The following MED13L variants were observed in gnomAD, a reference collection of about 807,000 sequenced individuals.
MED13L encodes mediator of RNA polymerase II transcription subunit 13-like.
In MED13L, 7 loss-of-function variants were observed where a neutral mutation model predicts 220.9. The observed-to-expected ratio is 0.03, with a 90% CI of 0.02 to 0.06. The LOEUF is 0.06. MED13L is among the 10% of genes least tolerant of loss of function. The pLI is 1.00. For synonymous variants in MED13L, 1,011 were observed against 1,015.2 expected (o/e 1.00, Z 0.08); for missense variants, 1,965 against 2,760.5 (o/e 0.71, Z 6.46).
At chr12:116,085,754 TCACACA>T (rs10611880) in intron 4 of MED13L, among the ~76,000 whole-genome samples, 18,399 of 146,908 alleles carry the variant, frequency 0.13, 1,731 homozygotes, top group East Asian at 0.38. Context: ...TTAAAATCAC[TCACACA>T]CACACACACA....
intron 1 of MED13L, among the ~76,000 whole-genome samples, chr12:116,262,942 G>A (rs1317312744): frequency 6.6e-6 from 1 of 152,164 alleles, no homozygotes; most frequent in East Asian, 1.9e-4. Context: ...CATGAAACCT[G>A]ATTCAATCTG....
intron 2 of MED13L, among the ~76,000 whole-genome samples, chr12:116,142,288 A>T (rs1877145111): frequency 6.6e-6 from 1 of 152,204 alleles, no homozygotes; most frequent in Non-Finnish European, 1.5e-5. Context: ...TCAAAGCTTC[A>T]AACAGTGCCT....
chr12:116,078,457 T>G (rs1363473049), intron 4 of MED13L, among the ~76,000 whole-genome samples: 1 of 152,146 alleles, frequency 6.6e-6, no homozygotes, highest in African/African-American at 2.4e-5. Context: ...AAGGCCTGAA[T>G]TTAAATCCAA....
At chr12:116,169,042 A>T (rs1180054934) in intron 2 of MED13L, 1 of 152,438 alleles carries the variant, frequency 6.6e-6, no homozygotes, top group Middle Eastern at 3.4e-3. Flanking sequence ...CGGAGTAGAC[A>T]TTATGAGCAA....
At chr12:116,086,436 C>A (rs890828231) in intron 4 of MED13L, among the ~76,000 whole-genome samples, 1 of 151,982 alleles carries the variant, frequency 6.6e-6, no homozygotes, top group Non-Finnish European at 1.5e-5. Flanking sequence ...ACTTGCACCA[C>A]CACGCCCAGC....
chr12:115,982,121 T>C, intron 22 of MED13L: 1 of 423,030 alleles, frequency 2.4e-6, no homozygotes, highest in Admixed American at 3.9e-5. Context: ...TGTATAAAAT[T>C]ACCTTCAGGT....
chr12:116,267,337 A>G (rs1872907800), intron 1 of MED13L, among the ~76,000 whole-genome samples: 1 of 152,268 alleles, frequency 6.6e-6, no homozygotes, highest in South Asian at 2.1e-4. Context: ...AGACACAAGA[A>G]CAATTTAATC....
rs541207260 is a variant in MED13L at position 116,038,915 on chromosome 12, G to A, written c.480-16314C>T. 1.0e-3 allele frequency among the ~76,000 whole-genome samples: 148 copies of A among 146,200 alleles called. 1 individual carries two copies. The highest frequency in any genetic ancestry group is 1.4e-3 in the Non-Finnish European group (97 of 66,904). On this transcript the variant is annotated intron_variant, in intron 4 of 30. Coordinates refer to ENST00000281928, the MANE Select transcript of MED13L (RefSeq NM_015335.5). ...ATTTCCTCATCTATTTTTTTTTCCCGCCTCGTTAAATTTACTATATGAAAG... is the reference window on the plus strand; with the variant it reads ...ATTTCCTCATCTATTTTTTTTTCCCACCTCGTTAAATTTACTATATGAAAG...
chr12:116,228,307 A>G (rs1869206302), intron 2 of MED13L, among the ~76,000 whole-genome samples: 1 of 152,174 alleles, frequency 6.6e-6, no homozygotes. Flanking sequence ...GCTACACTAA[A>G]CAACAGGTTT....
intron 2 of MED13L, among the ~76,000 whole-genome samples, chr12:116,205,551 G>GA (rs1882262326): frequency 7.9e-6 from 1 of 125,806 alleles, no homozygotes; most frequent in Non-Finnish European, 1.7e-5. Context: ...AAAAAAAAAG[G>GA]AAAGTCTTTT....
intron 2 of MED13L, among the ~76,000 whole-genome samples, chr12:116,124,516 G>T (rs1012166457): frequency 1.1e-4 from 16 of 151,508 alleles, no homozygotes; most frequent in African/African-American, 3.6e-4. Context: ...TCTTCACTTT[G>T]TTATCTACTT....
chr12:116,269,208 A>C (rs926860277), intron 1 of MED13L, among the ~76,000 whole-genome samples: 2 of 151,898 alleles, frequency 1.3e-5, no homozygotes, highest in African/African-American at 2.4e-5. Context: ...ACAGGCACAC[A>C]CCACCACGCC....
chr12:115,990,273 C>T (rs1182144924), intron 17 of MED13L, among the ~76,000 whole-genome samples: 3 of 152,154 alleles, frequency 2.0e-5, no homozygotes, highest in African/African-American at 7.2e-5. Context: ...CCTAGAGTGC[C>T]CCGTCTATCC....
rs192716217 is a variant in MED13L, at chr12:116,053,754, C to T, written c.480-31153G>A. On this transcript the variant is annotated intron_variant, in intron 4 of 30. Transcript: ENST00000281928. ...ACTCTCAAAGCTCTGAACTTTACAA[C>T]CTTAACTGAAATGGCATGATAAAAA... 2.5e-3 allele frequency among the ~76,000 whole-genome samples: 375 copies of T among 152,230 alleles called. 10 individuals are homozygous for T. Among genetic ancestry groups the T allele is most frequent in the Admixed American group, 0.024 (372 of 15,290 alleles).
intron 4 of MED13L, among the ~76,000 whole-genome samples, chr12:116,055,613 G>A (rs146481198): frequency 1.4e-4 from 21 of 152,248 alleles, no homozygotes; most frequent in Middle Eastern, 3.4e-3. Flanking sequence ...TGCCATGACC[G>A]GCCAGGTGCA....
At position 115,980,535 on chromosome 12, in the gene MED13L, T is replaced by G. The variant is rs189665733; in HGVS notation, c.5364+215A>C. 13 of 607,590 alleles carry G rather than the reference T, an allele frequency of 2.1e-5. No homozygotes were observed. The Admixed American group carries it at 3.2e-4, about 15-fold the overall frequency. The allele number at this position is 607,590 out of a possible 1,614,324, so 37.6% of individuals were successfully genotyped here. On this transcript the variant is annotated intron_variant, in intron 23 of 30. Transcript: ENST00000281928. The stretch of plus-strand genomic sequence containing the variant: ...GATGGGGTCTTGCTATGTTGCCCAG[T>G]GTGGTCTCAAACTCCTAGGCTTAAG...
chr12:116,135,900 T>TC (rs1339656957), intron 2 of MED13L, among the ~76,000 whole-genome samples: 6 of 150,636 alleles, frequency 4.0e-5, no homozygotes, highest in East Asian at 1.9e-4. Context: ...TTTCAAAGAT[T>TC]CCCTTTTTTT....
chr12:116,237,631 G>A lies in MED13L; in HGVS notation c.147C>T (p.Ala49=). ...GHGDCGPIIS[A]PAQDDPILLS... is the part of the protein sequence containing the mutation. ...ACAGAATTGGATCATCTTGGGCTGGGGCTGAAATTATGGGTCCACAGTCCC... is the reference window on the plus strand; with the variant it reads ...ACAGAATTGGATCATCTTGGGCTGGAGCTGAAATTATGGGTCCACAGTCCC... Residue 49 remains alanine (A), a synonymous_variant, in exon 2 of 31, where the codon GCC becomes GCT. Coordinates refer to ENST00000281928, the MANE Select transcript of MED13L (RefSeq NM_015335.5). 1 of 1,614,102 alleles carries A rather than the reference G, an allele frequency of 6.2e-7. No homozygotes were observed.
intron 1 of MED13L, chr12:116,276,308 TTGTGTGTGTGTGTGTGTGTGTG>T (rs372521434): frequency 2.4e-4 from 53 of 224,798 alleles, no homozygotes; most frequent in Non-Finnish European, 3.8e-4. Context: ...CTTGTTGCTT[TTGTGTGTGTGTGTGTGTGTGTG>T]TGTGTGTGTG....
Sources: allele counts gnomAD v4.1 joint callset (sites outside exome capture counted in the v4.1 genomes callset), GRCh38; gene constraint gnomAD v4.1.1; transcripts MANE v1.5; gene names NCBI Gene and HGNC (gene_info 2026-07-23, HGNC 2026-07-21).